DOT1L: variants seen among roughly 807,000 people sequenced by gnomAD.
DOT1L encodes the protein DOT1 like histone lysine methyltransferase.
Under a neutral mutation model 153.3 loss-of-function variants are expected in DOT1L, and 33 were observed. The ratio of observed to expected loss-of-function variants is 0.22; its 90% CI spans 0.16 to 0.29. DOT1L has a LOEUF of 0.29. Among genes scored for constraint, DOT1L ranks in the 10% least tolerant of loss-of-function variants. DOT1L has a pLI of 1.00. For synonymous variants in DOT1L, 1,135 were observed against 965.1 expected, an observed-to-expected ratio of 1.18 and a Z score of -3.26; for missense variants, 1,847 against 2,119.9, an observed-to-expected ratio of 0.87 and a Z score of 2.53.
intron 2 of DOT1L, 85 bp from the exon 3 acceptor site, chr19:2,185,770 A>G: frequency 2.8e-6 from 4 of 1,417,058 alleles, no homozygotes; most frequent in Non-Finnish European, 4.0e-6. Context: ...CTCCGTCTCA[A>G]AACAAAAACA....
At chr19:2,223,539 GCCTGCTCAC>G in intron 25 of DOT1L, 53 bp downstream of exon 25, 1 of 806,958 alleles carries the variant, frequency 1.2e-6, no homozygotes, top group African/African-American at 2.0e-5. Context: ...GGCAGGAGGT[GCCTGCTCAC>G]TGTGTGTGTG....
chr19:2,222,629 G>C lies in DOT1L; in HGVS notation c.3390+70G>C. 7.1e-7 allele frequency: 1 copy of C among 1,405,912 alleles called. No homozygotes were observed. Among genetic ancestry groups the C allele is most frequent in the Non-Finnish European group, 9.4e-7 (1 of 1,063,640 alleles). 87.1% of individuals were successfully genotyped at this position (1,405,912 alleles called of 1,614,324 possible). A position where few individuals can be genotyped will look rare whatever the true frequency, so the allele number is the denominator to read the frequency against. On this transcript the variant is annotated intron_variant, in intron 24 of 27. Coordinates refer to ENST00000398665, the MANE Select transcript of DOT1L (RefSeq NM_032482.3). This position sits in a 1 kb window ranked among gnomAD's most constrained non-coding sequence, Gnocchi z 6.5. ...GAAAGACCAGAGGGAGACCGGGCGCGGTGGCTCACGCCTGTAATCCCAGCA... is the reference window on the plus strand; with the variant it reads ...GAAAGACCAGAGGGAGACCGGGCGCCGTGGCTCACGCCTGTAATCCCAGCA...
At chr19:2,216,245 G>C in intron 19 of DOT1L, 36 bp from the exon 20 acceptor site, 1 of 1,531,284 alleles carries the variant, frequency 6.5e-7, no homozygotes, top group Non-Finnish European at 8.8e-7. Context: ...GTGGTCCCCC[G>C]GTGGGGCGGG....
chr19:2,225,338 C>G (rs766932206), intron 25 of DOT1L, 50 bp from the exon 26 acceptor site: 1 of 1,556,884 alleles, frequency 6.4e-7, no homozygotes, highest in Non-Finnish European at 8.9e-7. Flanking sequence ...TTGTGTCATT[C>G]TTAGTATGCA....
intron 26 of DOT1L, among the ~76,000 whole-genome samples, 156 bp from the exon 27 acceptor site, chr19:2,226,002 TTGTCCCCTCCCGTCCCCTTCCCTCC>T (rs1047954915): frequency 3.9e-5 from 6 of 152,068 alleles, no homozygotes; most frequent in African/African-American, 1.4e-4. Flanking sequence ...CCATCCCATC[TTGTCCCCTCCCGTCCCCTTCCCTCC>T]TGTCCTCTCC....
chr19:2,176,618 A>G (rs1306607270), intron 1 of DOT1L, among the ~76,000 whole-genome samples: 1 of 152,190 alleles, frequency 6.6e-6, no homozygotes, highest in African/African-American at 2.4e-5. Context: ...TGCGCCTGTG[A>G]GAAGCGCTTG....
chr19:2,192,471 G>A (rs993566718), intron 5 of DOT1L, among the ~76,000 whole-genome samples: 1 of 151,958 alleles, frequency 6.6e-6, no homozygotes. Flanking sequence ...TCAGGAGTTC[G>A]AGACCAGCCT....
chr19:2,229,148 G>A (rs2024492256), intron 27 of DOT1L: 2 of 985,470 alleles, frequency 2.0e-6, no homozygotes, highest in South Asian at 4.7e-5. Flanking sequence ...GAAGTTGGAA[G>A]CAGGAGTGAT....
At chr19:2,189,071 CT>C (rs1212628231) in intron 3 of DOT1L, among the ~76,000 whole-genome samples, 1 of 152,224 alleles carries the variant, frequency 6.6e-6, no homozygotes, top group African/African-American at 2.4e-5. Flanking sequence ...GGGACTGAGT[CT>C]CACTGTGGAC....
rs776804651 is a variant in DOT1L, at chr19:2,220,760, G to A, written c.2806+538G>A. ...GAAGCCGCAGAGACAGCATGTCAGCGGGCATGGCTGTGTGCCAGCAAAACT... is the reference window on the plus strand; with the variant it reads ...GAAGCCGCAGAGACAGCATGTCAGCAGGCATGGCTGTGTGCCAGCAAAACT... On this transcript the variant is annotated intron_variant, in intron 23 of 27. Transcript: ENST00000398665. This position sits in a 1 kb window ranked among gnomAD's most constrained non-coding sequence, Gnocchi z 4.5. 6.6e-5 allele frequency: 23 copies of A among 348,924 alleles called. No individual in the cohort carries two copies. The highest frequency in any genetic ancestry group is 1.3e-4 in the African/African-American group (6 of 46,720). The allele number at this position is 348,924 out of a possible 1,614,324, so 21.6% of individuals were successfully genotyped here. A position where few individuals can be genotyped will look rare whatever the true frequency, so the allele number is the denominator to read the frequency against.
intron 1 of DOT1L, among the ~76,000 whole-genome samples, chr19:2,178,830 G>A (rs565427248): frequency 1.3e-5 from 2 of 152,308 alleles, no homozygotes; most frequent in South Asian, 2.1e-4. Flanking sequence ...TTCCCAAAGC[G>A]CTGGGATTCC....
intron 7 of DOT1L, 112 bp downstream of exon 7, chr19:2,194,689 T>TGTTGGCACATGGA: frequency 1.1e-5 from 5 of 457,324 alleles, no homozygotes; most frequent in South Asian, 3.3e-5. Context: ...TGGCACATGG[T>TGTTGGCACATGGA]GTGCCCCCTG....
Position 2,210,500 on chromosome 19 carries a change from A to G in DOT1L, c.1106A>G (p.Asp369Gly), listed in dbSNP as rs1014263399. 6.3e-7 allele frequency: 1 copy of G among 1,595,386 alleles called. No homozygotes were observed. Among genetic ancestry groups the G allele is most frequent in the Non-Finnish European group, 8.5e-7 (1 of 1,171,784 alleles). ...GPEGKVAGPA[D>G]APMDSGAEEE... ...GAGGGCAAGGTGGCCGGCCCCGCCG[A>G]CGCCCCCATGGTAAGGCCCCAGCCT... The change falls in exon 13 of 28, where the codon GAC becomes GGC. Residue 369 changes from aspartate to glycine, a missense_variant. Asp to Gly is a moderately conservative substitution (Grantham distance 94). This residue lies in a region of DOT1L where 205 missense variants were observed against 203.1 expected (regional missense o/e 1.01). Coordinates refer to ENST00000398665, the MANE Select transcript of DOT1L (RefSeq NM_032482.3).
chr19:2,226,722 G>C lies in DOT1L; in HGVS notation c.4201G>C (p.Asp1401His). ...EGGLPLCGPTDKTPLLSGKAA... is the reference protein window; with the variant it reads ...EGGLPLCGPTHKTPLLSGKAA... ...CGGCCTACCGCTGTGCGGGCCCACG[G>C]ACAAGACCCCACTGCTGAGCGGCAA... The change falls in exon 27 of 28, where the codon GAC becomes CAC. Residue 1401 changes from aspartate to histidine, a missense_variant. Physicochemically the swap from Asp to His is moderately conservative, Grantham distance 81. Transcript: ENST00000398665. 1 of 1,562,910 alleles carries C rather than the reference G, an allele frequency of 6.4e-7. No homozygotes were observed. Among genetic ancestry groups the C allele is most frequent in the South Asian group, 1.2e-5 (1 of 84,682 alleles).
intron 2 of DOT1L, among the ~76,000 whole-genome samples, chr19:2,182,566 G>T (rs2022291738): frequency 6.6e-6 from 1 of 152,008 alleles, no homozygotes; most frequent in African/African-American, 2.4e-5. Context: ...CCAGGGCTGT[G>T]GCTTCCCGGG....
At chr19:2,209,352 C>T (rs1054132446) in intron 12 of DOT1L, among the ~76,000 whole-genome samples, 1 of 152,332 alleles carries the variant, frequency 6.6e-6, no homozygotes. Flanking sequence ...CATCCTTCCC[C>T]TTGTTAATAC....
chr19:2,199,839 C>T (rs1320705392), intron 7 of DOT1L, 45 bp from the exon 8 acceptor site: 2 of 1,601,924 alleles, frequency 1.2e-6, no homozygotes, highest in Admixed American at 1.7e-5. Context: ...GCTGGGAGTG[C>T]CAGGGAGGCC....
intron 20 of DOT1L, 90 bp from the exon 21 acceptor site, chr19:2,216,865 G>T: frequency 6.4e-7 from 1 of 1,558,492 alleles, no homozygotes; most frequent in Non-Finnish European, 8.7e-7. Flanking sequence ...TGTTTGTTGA[G>T]GAGACTGAGG....
intron 2 of DOT1L, among the ~76,000 whole-genome samples, chr19:2,182,845 GCTGA>G (rs1007536673): frequency 9.8e-5 from 15 of 152,332 alleles, no homozygotes; most frequent in African/African-American, 3.6e-4. Context: ...AGGGCTCGGA[GCTGA>G]CTGTCTTGTT....
Sources: gnomAD v4.1 joint callset for allele counts (sites outside exome capture counted in the v4.1 genomes callset) on GRCh38, gnomAD v4.1.1 for gene constraint, gnomAD v4.1.1 regional missense constraint, Gnocchi (gnomAD v3.1) non-coding constraint, MANE v1.5 for transcripts, NCBI Gene and HGNC (gene_info 2026-07-23, HGNC 2026-07-21) for gene names.